CHD3: variants seen among roughly 807,000 people sequenced by gnomAD.
CHD3 encodes ATP-dependent chromatin remodeler CHD3.
In CHD3, 52 loss-of-function variants were observed where a neutral mutation model predicts 248.9. That is an observed-to-expected ratio of 0.21 (90% CI 0.17 to 0.26). CHD3 has a LOEUF of 0.26. CHD3 is among the 10% of genes least tolerant of loss of function. CHD3 has a pLI of 1.00. For missense variants in CHD3, 1,482 were observed against 2,605.8 expected, an observed-to-expected ratio of 0.57 and a Z score of 9.39; for synonymous variants, 985 against 985.2, an observed-to-expected ratio of 1.00 and a Z score of 0.00.
Position 7,900,542 on chromosome 17 carries a change from C to T in CHD3, c.2805-16C>T. 1.2e-6 allele frequency: 2 copies of T among 1,609,938 alleles called. No homozygotes were observed. Among genetic ancestry groups the T allele is most frequent in the South Asian group, 1.1e-5 (1 of 90,998 alleles). ...AACTTGCCGACCTGTTAATTTTCTT[C>T]TCTTCTGGCTCTTAGCAACTTGGAG... On this transcript the variant is annotated splice_polypyrimidine_tract_variant and intron_variant, in intron 17 of 39. Coordinates refer to ENST00000330494, the MANE Select transcript of CHD3 (RefSeq NM_001005273.3). This position sits in a 1 kb window ranked among gnomAD's most constrained non-coding sequence, Gnocchi z 6.5.
Position 7,897,947 on chromosome 17 carries a change from T to TC in CHD3, c.1920-20dup. 6.2e-7 allele frequency: 1 copy of TC among 1,605,154 alleles called. No homozygotes were observed. The highest frequency in any genetic ancestry group is 8.5e-7 in the Non-Finnish European group (1 of 1,176,380). ...CTGTGCAATATTTTCCTCCTGCTCCTCCCCATGGCCTCCTGCCCCACAGTG... is the reference window on the plus strand; with the variant it reads ...CTGTGCAATATTTTCCTCCTGCTCCTCCCCCATGGCCTCCTGCCCCACAGTG... On this transcript the variant is annotated intron_variant, in intron 11 of 39. Transcript: ENST00000330494. This position sits in a 1 kb window ranked among gnomAD's most constrained non-coding sequence, Gnocchi z 4.8.
At chr17:7,890,810 A>T in intron 3 of CHD3, 69 bp downstream of exon 3, 7 of 1,580,718 alleles carry the variant, frequency 4.4e-6, no homozygotes, top group Non-Finnish European at 6.0e-6. Context: ...GGAGGAATGG[A>T]GACTGGACTG....
chr17:7,906,071 G>A lies in CHD3; in HGVS notation c.4358+82G>A. On this transcript the variant is annotated intron_variant, in intron 28 of 39. Transcript: ENST00000330494. The surrounding 1 kb of genome is among the most constrained non-coding windows in gnomAD (Gnocchi z 5.0). The stretch of plus-strand genomic sequence containing the variant: ...CCTTTCTTCCTTGGGGCCGCCATAT[G>A]ATGTGACCTTACTCAACTGATTATC... 1 of 1,569,432 alleles carries A rather than the reference G, an allele frequency of 6.4e-7. No homozygotes were observed. Among genetic ancestry groups the A allele is most frequent in the East Asian group, 2.2e-5 (1 of 44,660 alleles).
Position 7,902,923 on chromosome 17 carries a change from C to T in CHD3, c.3371-14C>T. ...CGGGTACAAGAAAAACCTGATCCAA[C>T]TCTCACCTCCTAGCTCCTGGGGCCC... On this transcript the variant is annotated splice_polypyrimidine_tract_variant and intron_variant, in intron 21 of 39. Transcript: ENST00000330494. The T allele has an allele frequency of 1.2e-6, 2 of 1,613,766 alleles. No individual in the cohort carries two copies. Among genetic ancestry groups the T allele is most frequent in the Non-Finnish European group, 1.7e-6 (2 of 1,179,828 alleles).
In CHD3 at chr17:7,907,779, G is replaced by T; in HGVS notation, c.5026+77G>T. On this transcript the variant is annotated intron_variant, in intron 33 of 39. Coordinates refer to ENST00000330494, the MANE Select transcript of CHD3 (RefSeq NM_001005273.3). The surrounding 1 kb of genome is among the most constrained non-coding windows in gnomAD (Gnocchi z 4.3). ...GTGGAGTCTGGGGAACCGAATGCTT[G>T]GGTCCTGGGCGGGTAGCTGTTTGAA... 1 of 1,505,668 alleles carries T rather than the reference G, an allele frequency of 6.6e-7. No individual in the cohort carries two copies. Among genetic ancestry groups the T allele is most frequent in the East Asian group, 2.4e-5 (1 of 41,130 alleles). The allele number at this position is 1,505,668 out of a possible 1,614,324, so 93.3% of individuals were successfully genotyped here.
Position 7,904,046 on chromosome 17 carries a change from G to C in CHD3, c.3894+55G>C. 6.3e-7 allele frequency: 1 copy of C among 1,579,490 alleles called. No individual in the cohort carries two copies. On this transcript the variant is annotated intron_variant, in intron 24 of 39. Coordinates refer to ENST00000330494, the MANE Select transcript of CHD3 (RefSeq NM_001005273.3). This position sits in a 1 kb window ranked among gnomAD's most constrained non-coding sequence, Gnocchi z 4.4. ...TATCCCAGGCCATCTCCAAAAGGCA[G>C]TATCCTTTACTCAGCCTTGAAGTAG... is the stretch of plus-strand genomic sequence containing the variant.
chr17:7,887,829 G>A (rs1486209073), upstream of CHD3, among the ~76,000 whole-genome samples: 1 of 152,244 alleles, frequency 6.6e-6, no homozygotes, highest in African/African-American at 2.4e-5. Flanking sequence ...GCATTGAGTG[G>A]CTGCTGAGAC....
chr17:7,904,398 A>C lies in CHD3; in HGVS notation c.3895-44A>C. On this transcript the variant is annotated intron_variant, in intron 24 of 39. Transcript: ENST00000330494. This position sits in a 1 kb window ranked among gnomAD's most constrained non-coding sequence, Gnocchi z 4.4. ...ATTTCCTTGCAGTGGAAGGATTAGC[A>C]AAGAAGGAGACCCCCAGTGTTCATT... 1 of 1,575,438 alleles carries C rather than the reference A, an allele frequency of 6.3e-7. No individual in the cohort carries two copies. The highest frequency in any genetic ancestry group is 8.7e-7 in the Non-Finnish European group (1 of 1,151,590).
At chr17:7,898,736 G>C in intron 13 of CHD3, 141 bp downstream of exon 13, 2 of 754,942 alleles carry the variant, frequency 2.6e-6, no homozygotes. Flanking sequence ...CTTGCCCCAA[G>C]AGTGGCTAAG....
chr17:7,906,746 T>C lies in CHD3; in HGVS notation c.4503+49T>C. 3 of 1,584,708 alleles carry C rather than the reference T, an allele frequency of 1.9e-6. No individual in the cohort carries two copies. Among genetic ancestry groups the C allele is most frequent in the Non-Finnish European group, 2.6e-6 (3 of 1,164,226 alleles). On this transcript the variant is annotated intron_variant, in intron 29 of 39. Coordinates refer to ENST00000330494, the MANE Select transcript of CHD3 (RefSeq NM_001005273.3). The surrounding 1 kb of genome is among the most constrained non-coding windows in gnomAD (Gnocchi z 5.0). The stretch of plus-strand genomic sequence containing the variant: ...AGAATCAAGCTGGCTGCCTAGTCTC[T>C]GTCCTTCCTCTGCCTCTGTCCCTGA...
In CHD3 at chr17:7,890,691, GAGA is replaced by G. The variant is rs749962619; in HGVS notation, c.341_343del (p.Lys114del). 3.1e-5 allele frequency: 49 copies of G among 1,596,438 alleles called. No homozygotes were observed. In the Middle Eastern group the frequency reaches 6.6e-4, roughly 22 times the overall value. On this transcript the variant is annotated inframe_deletion, in exon 3 of 40. Coordinates refer to ENST00000330494, the MANE Select transcript of CHD3 (RefSeq NM_001005273.3). ...AAGAAGGAAGCACCGAGAAAAAAAGGAGAAGAAGACAAAGCGGCGGAAAAAGGG... is the reference window on the plus strand; with the variant it reads ...AAGAAGGAAGCACCGAGAAAAAAAGGAGAAGACAAAGCGGCGGAAAAAGGG...
In CHD3 at chr17:7,895,735, G is replaced by A. The variant is rs917138043; in HGVS notation, c.1707+193G>A. On this transcript the variant is annotated intron_variant, in intron 10 of 39. Coordinates refer to ENST00000330494, the MANE Select transcript of CHD3 (RefSeq NM_001005273.3). This position sits in a 1 kb window ranked among gnomAD's most constrained non-coding sequence, Gnocchi z 4.9. ...TACAGTCCTCTTTCTCTCAGTCTCC[G>A]TTAGCTTCCTTCCCTCAGATATAGC... Among the ~76,000 whole-genome samples, 2 of 152,086 alleles carry A rather than the reference G, an allele frequency of 1.3e-5. No individual in the cohort carries two copies. The highest frequency in any genetic ancestry group is 2.9e-5 in the Non-Finnish European group (2 of 68,024).
Position 7,907,001 on chromosome 17 carries a change from G to T in CHD3, c.4636G>T (p.Ala1546Ser). Reference protein sequence around the residue: ...KTSPTTPEASATNSPCTSKPA... With the variant: ...KTSPTTPEASSTNSPCTSKPA... ...GTCTCCCACCACTCCTGAGGCTTCTGCTACCAACAGTCCCTGCACCTCTAA... is the reference window on the plus strand; with the variant it reads ...GTCTCCCACCACTCCTGAGGCTTCTTCTACCAACAGTCCCTGCACCTCTAA... Residue 1546 changes from alanine to serine, a missense_variant, in exon 30 of 40, where the codon GCT (alanine) becomes TCT (serine). By Grantham distance (99) the Ala-to-Ser change is moderately conservative (BLOSUM62 1). Coordinates refer to ENST00000330494, the MANE Select transcript of CHD3 (RefSeq NM_001005273.3). This position sits in a 1 kb window ranked among gnomAD's most constrained non-coding sequence, Gnocchi z 4.3. 1 of 1,614,154 alleles carries T rather than the reference G, an allele frequency of 6.2e-7. No individual in the cohort carries two copies. The highest frequency in any genetic ancestry group is 8.5e-7 in the Non-Finnish European group (1 of 1,180,030).
Position 7,910,138 on chromosome 17 carries a change from C to G in CHD3, c.5591-290C>G. 1.0e-5 allele frequency: 3 copies of G among 301,308 alleles called. No individual in the cohort carries two copies. Among genetic ancestry groups the G allele is most frequent in the Non-Finnish European group, 1.9e-5 (3 of 156,704 alleles). 18.7% of individuals were successfully genotyped at this position (301,308 alleles called of 1,614,324 possible). A position where few individuals can be genotyped will look rare whatever the true frequency, so the allele number is the denominator to read the frequency against. Reference sequence around the variant, plus strand: ...CCCATGTCTTCCAATGTCCCCCCATCTTCCTTTCCTCCATGCTCCCTTTTT... The same window carrying G: ...CCCATGTCTTCCAATGTCCCCCCATGTTCCTTTCCTCCATGCTCCCTTTTT... On this transcript the variant is annotated intron_variant, in intron 37 of 39. Coordinates refer to ENST00000330494, the MANE Select transcript of CHD3 (RefSeq NM_001005273.3). The surrounding 1 kb of genome is among the most constrained non-coding windows in gnomAD (Gnocchi z 4.7).
chr17:7,892,398 TA>T (rs1474154454), intron 4 of CHD3, among the ~76,000 whole-genome samples: 2 of 152,224 alleles, frequency 1.3e-5, no homozygotes, highest in African/African-American at 2.4e-5. Flanking sequence ...GAAAGGGTTT[TA>T]TGAACTGTAA....
Position 7,899,308 on chromosome 17 carries a change from C to T in CHD3, c.2344-35C>T, listed in dbSNP as rs781451571. On this transcript the variant is annotated intron_variant, in intron 14 of 39. Coordinates refer to ENST00000330494, the MANE Select transcript of CHD3 (RefSeq NM_001005273.3). The surrounding 1 kb of genome is among the most constrained non-coding windows in gnomAD (Gnocchi z 6.8). ...GAGGACTAGGGTATACGGCCTCTAG[C>T]CTAGACTTATGCTGCCCCCATTCTT... 22 of 1,611,678 alleles carry T rather than the reference C, an allele frequency of 1.4e-5. No homozygotes were observed. Among genetic ancestry groups the T allele is most frequent in the Non-Finnish European group, 1.7e-5 (20 of 1,178,078 alleles).
chr17:7,896,991 G>C, intron 10 of CHD3, 92 bp from the exon 11 acceptor site: 2 of 1,039,140 alleles, frequency 1.9e-6, no homozygotes, highest in Non-Finnish European at 2.9e-6. Flanking sequence ...CCCTTTCCCT[G>C]TCCCATTCCT....
At position 7,908,767 on chromosome 17, in the gene CHD3, A is replaced by G. The variant is rs1346354454; in HGVS notation, c.5332A>G (p.Thr1778Ala). 2 of 1,614,138 alleles carry G rather than the reference A, an allele frequency of 1.2e-6. No individual in the cohort carries two copies. The highest frequency in any genetic ancestry group is 1.6e-4 in the Middle Eastern group (1 of 6,062). The part of the protein sequence containing the change: ...QFAIINEPFK[T>A]EANKGNFLEM... ...TGCCATTATCAACGAGCCATTTAAA[A>G]CTGAAGCCAATAAGGGGAACTTTCT... The change falls in exon 36 of 40, where the codon ACT (threonine) becomes GCT (alanine). Residue 1778 changes from threonine (T) to alanine (A), a missense_variant. Transcript: ENST00000330494. This position sits in a 1 kb window ranked among gnomAD's most constrained non-coding sequence, Gnocchi z 5.8.
Position 7,907,558 on chromosome 17 carries a change from G to A in CHD3, c.4925-43G>A. On this transcript the variant is annotated intron_variant, in intron 32 of 39. Transcript: ENST00000330494. This position sits in a 1 kb window ranked among gnomAD's most constrained non-coding sequence, Gnocchi z 4.3. ...TTTCCCTCTTCTGGGGTCAGGGGAT[G>A]AGGGTAACATCCTCCCTTCCTATCC... The A allele has an allele frequency of 6.5e-7, 1 of 1,526,980 alleles. No homozygotes were observed. The highest frequency in any genetic ancestry group is 2.3e-5 in the East Asian group (1 of 43,856). The allele number at this position is 1,526,980 out of a possible 1,614,324, so 94.6% of individuals were successfully genotyped here.
Sources: gnomAD v4.1 joint callset for allele counts (sites outside exome capture counted in the v4.1 genomes callset) on GRCh38, gnomAD v4.1.1 for gene constraint, Gnocchi (gnomAD v3.1) non-coding constraint, MANE v1.5 for transcripts, NCBI Gene and HGNC (gene_info 2026-07-23, HGNC 2026-07-21) for gene names.